The following ARL13B variants were observed in gnomAD, a reference collection of about 807,000 sequenced individuals.
ARL13B encodes ARF like GTPase 13B.
A neutral mutation model predicts 56.1 loss-of-function variants in ARL13B; 36 were observed. The observed-to-expected ratio is 0.64, with a 90% CI of 0.49 to 0.85. The LOEUF (loss-of-function observed/expected upper bound fraction) is 0.85, where lower values mean the gene tolerates loss of function less well. Among genes scored for constraint, ARL13B ranks in the 40% least tolerant of loss-of-function variants. The probability of loss-of-function intolerance (pLI) is 0.00; values close to 1 mark genes in which losing one functional copy is unlikely to be tolerated. For synonymous variants in ARL13B, 178 were observed against 171.1 expected, an observed-to-expected ratio of 1.04 and a Z score of -0.32; for missense variants, 519 against 507.1, an observed-to-expected ratio of 1.02 and a Z score of -0.23.
At position 94,003,888 on chromosome 3, in the gene ARL13B, A is replaced by G. The variant is rs1258750655; in HGVS notation, c.360A>G (p.Ile120Met). ...CAGAAATGCTAAGACATCCTAGGAT[A>G]TCGGGAAAGCCTATATTGGTGTAAG... ...AMSEMLRHPR[I>M]SGKPILVLAN... Residue 120 changes from isoleucine to methionine, a missense_variant, in exon 3 of 10, where the codon ATA (isoleucine) becomes ATG (methionine). Transcript: ENST00000394222. 1.9e-6 allele frequency: 3 copies of G among 1,613,246 alleles called. No individual in the cohort carries two copies. The highest frequency in any genetic ancestry group is 2.5e-6 in the Non-Finnish European group (3 of 1,179,562).
intron 1 of ARL13B, among the ~76,000 whole-genome samples, chr3:93,993,215 T>G (rs1407564084): frequency 6.6e-6 from 1 of 152,120 alleles, no homozygotes; most frequent in Non-Finnish European, 1.5e-5. Flanking sequence ...AACCTCTGCC[T>G]CCTGCGTTCA....
At chr3:94,041,523 CA>C (rs1417439227) in intron 6 of ARL13B, among the ~76,000 whole-genome samples, 2 of 151,876 alleles carry the variant, frequency 1.3e-5, no homozygotes, top group Non-Finnish European at 2.9e-5. Flanking sequence ...AAGCAAGCCA[CA>C]AATCATAAAG....
intron 3 of ARL13B, among the ~76,000 whole-genome samples, chr3:94,033,441 A>G (rs1051209086): frequency 1.3e-5 from 2 of 151,944 alleles, no homozygotes; most frequent in Non-Finnish European, 2.9e-5. Flanking sequence ...TTAATTCATT[A>G]TTTTGAAAAT....
intron 6 of ARL13B, among the ~76,000 whole-genome samples, chr3:94,040,549 C>T (rs905780038): frequency 1.3e-5 from 2 of 151,892 alleles, no homozygotes; most frequent in Non-Finnish European, 2.9e-5. Flanking sequence ...TGTGTGTGCG[C>T]GTCTGTGTTT....
In ARL13B at chr3:94,043,146, A is replaced by C; in HGVS notation, c.930A>C (p.Lys310Asn). 5 of 1,613,782 alleles carry C rather than the reference A, an allele frequency of 3.1e-6. No individual in the cohort carries two copies. The highest frequency in any genetic ancestry group is 3.4e-6 in the Non-Finnish European group (4 of 1,179,932). ...TQGQVNHNGQ[K>N]NNEFGLVENY... ...GCCAGGTTAATCACAATGGCCAAAA[A>C]AATAATGAATTTGGACTAGTAGAAA... is the stretch of plus-strand genomic sequence containing the variant. The change falls in exon 7 of 10, where the codon AAA becomes AAC. Residue 310 changes from lysine to asparagine, a missense_variant. By Grantham distance (94) the Lys-to-Asn change is moderately conservative. Coordinates refer to ENST00000394222, the MANE Select transcript of ARL13B (RefSeq NM_001174150.2).
At position 94,003,817 on chromosome 3, in the gene ARL13B, G is replaced by A; in HGVS notation, c.289G>A (p.Asp97Asn). 1.2e-6 allele frequency: 2 copies of A among 1,613,712 alleles called. No individual in the cohort carries two copies. The highest frequency in any genetic ancestry group is 1.7e-6 in the Non-Finnish European group (2 of 1,179,734). Reference protein sequence around the residue: ...AESYGVIFVVDSSDEERMEET... With the variant: ...AESYGVIFVVNSSDEERMEET... ...ATCCTATGGGGTAATATTTGTTGTG[G>A]ATTCCAGTGATGAAGAGAGAATGGA... The change falls in exon 3 of 10, where the codon GAT becomes AAT. Residue 97 changes from aspartate to asparagine, a missense_variant. Asp to Asn is a conservative substitution (Grantham distance 23, BLOSUM62 1). Coordinates refer to ENST00000394222, the MANE Select transcript of ARL13B (RefSeq NM_001174150.2).
At position 94,039,902 on chromosome 3, in the gene ARL13B, G is replaced by A. The variant is rs754564518; in HGVS notation, c.712G>A (p.Ala238Thr). 2 of 1,613,924 alleles carry A rather than the reference G, an allele frequency of 1.2e-6. No homozygotes were observed. The highest frequency in any genetic ancestry group is 2.7e-5 in the African/African-American group (2 of 74,910). ...EERKQNEQEQ[A>T]ELDGTSGLAE... ...TAGAAAACAAAATGAACAGGAGCAG[G>A]CTGAACTCGATGGAACCAGTGGTCT... Residue 238 changes from alanine (A) to threonine (T), a missense_variant, in exon 6 of 10, where the codon GCT (alanine) becomes ACT (threonine). Transcript: ENST00000394222.
chr3:94,000,133 T>C (rs2076029433), intron 2 of ARL13B, among the ~76,000 whole-genome samples: 1 of 152,212 alleles, frequency 6.6e-6, no homozygotes, highest in South Asian at 2.1e-4. Flanking sequence ...CTTTTCATAT[T>C]GGCTCATATC....
chr3:93,983,581 T>C (rs547198349), intron 1 of ARL13B, among the ~76,000 whole-genome samples: 1 of 152,194 alleles, frequency 6.6e-6, no homozygotes, highest in South Asian at 2.1e-4. Flanking sequence ...ACTGAGAAAA[T>C]CAAGAGTCAT....
rs562205889 is a variant in ARL13B, at chr3:94,043,004, T to A, written c.799-11T>A. On this transcript the variant is annotated splice_polypyrimidine_tract_variant and intron_variant, in intron 6 of 9. Transcript: ENST00000394222. ...ATCATAGTAAAGATAATGTATTTTA[T>A]TTTTTGTTAGAATGAAGGAAAACTT... 1.3e-6 allele frequency: 2 copies of A among 1,586,646 alleles called. No individual in the cohort carries two copies. Among genetic ancestry groups the A allele is most frequent in the African/African-American group, 2.7e-5 (2 of 73,776 alleles).
chr3:94,024,631 G>GC (rs1367520906), intron 3 of ARL13B, among the ~76,000 whole-genome samples: 2 of 152,124 alleles, frequency 1.3e-5, no homozygotes, highest in Non-Finnish European at 2.9e-5. Context: ...TATCACCCAG[G>GC]CTAGAGTATA....
intron 3 of ARL13B, among the ~76,000 whole-genome samples, chr3:94,010,531 C>G (rs541757891): frequency 1.1e-4 from 17 of 151,884 alleles, no homozygotes; most frequent in Non-Finnish European, 2.4e-4. Context: ...ATTTTGCCTT[C>G]GCCTCTTTTA....
rs75962203 is a variant in ARL13B, at chr3:94,043,084, A to C, written c.868A>C (p.Lys290Gln). 1.2e-6 allele frequency: 2 copies of C among 1,613,620 alleles called. No individual in the cohort carries two copies. The highest frequency in any genetic ancestry group is 1.7e-6 in the Non-Finnish European group (2 of 1,179,930). The change falls in exon 7 of 10, where the codon AAA (lysine) becomes CAA (glutamine). Residue 290 changes from lysine (K) to glutamine (Q), a missense_variant. Physicochemically the swap from Lys to Gln is moderately conservative, Grantham distance 53 (BLOSUM62 1). Coordinates refer to ENST00000394222, the MANE Select transcript of ARL13B (RefSeq NM_001174150.2). ...MEKDSDGCHL[K>Q]HKMEHEQIET... is the part of the protein sequence containing the mutation. ...GAAAGACAGTGATGGCTGCCACCTG[A>C]AACATAAAATGGAGCATGAGCAAAT...
At chr3:94,001,406 C>G (rs2076053436) in intron 2 of ARL13B, among the ~76,000 whole-genome samples, 1 of 152,160 alleles carries the variant, frequency 6.6e-6, no homozygotes, top group African/African-American at 2.4e-5. Flanking sequence ...ATTGCTCCCT[C>G]TGCCTAAAAT....
chr3:94,000,280 TCTC>T (rs2076032311), intron 2 of ARL13B, among the ~76,000 whole-genome samples: 1 of 152,114 alleles, frequency 6.6e-6, no homozygotes, highest in African/African-American at 2.4e-5. Context: ...TCAGGGTTCT[TCTC>T]CTCCAAATAT....
chr3:93,980,257 T>A lies in ARL13B; in HGVS notation c.-167T>A. On this transcript the variant is annotated 5_prime_UTR_variant, in exon 1 of 10. Coordinates refer to ENST00000394222, the MANE Select transcript of ARL13B (RefSeq NM_001174150.2). The stretch of plus-strand genomic sequence containing the variant: ...GGCAGTCGTCGCGGACCCACGCGGT[T>A]AGCAAGGCTTAGTGCTCGGGCCGGC... 2 of 845,144 alleles carry A rather than the reference T, an allele frequency of 2.4e-6. No homozygotes were observed. The highest frequency in any genetic ancestry group is 3.9e-6 in the Non-Finnish European group (2 of 513,644). The allele number at this position is 845,144 out of a possible 1,614,324, so 52.4% of individuals were successfully genotyped here.
intron 3 of ARL13B, among the ~76,000 whole-genome samples, chr3:94,032,002 G>C (rs2076685363): frequency 6.6e-6 from 1 of 152,120 alleles, no homozygotes. Context: ...CTGGACATTG[G>C]TCTAGGCAAA....
intron 3 of ARL13B, among the ~76,000 whole-genome samples, chr3:94,026,400 A>G (rs915636032): frequency 5.9e-5 from 9 of 152,220 alleles, no homozygotes; most frequent in South Asian, 2.1e-4. Flanking sequence ...TAGAATTAAC[A>G]TAATTGAGAA....
At chr3:94,045,778 C>T (rs1195642595) in intron 7 of ARL13B, among the ~76,000 whole-genome samples, 11 of 150,948 alleles carry the variant, frequency 7.3e-5, no homozygotes, top group East Asian at 2.0e-4. Flanking sequence ...GTAGAGACCC[C>T]GTCTCTACTA....
Sources: gnomAD v4.1 joint callset for allele counts (sites outside exome capture counted in the v4.1 genomes callset) on GRCh38, gnomAD v4.1.1 for gene constraint, MANE v1.5 for transcripts, NCBI Gene and HGNC (gene_info 2026-07-23, HGNC 2026-07-21) for gene names.